The following NSD2 variants were observed in gnomAD, a reference collection of about 807,000 sequenced individuals.
NSD2 encodes histone-lysine N-methyltransferase NSD2.
NSD2 carries 12 observed loss-of-function variants against 139.0 expected under a neutral mutation model. The ratio of observed to expected loss-of-function variants is 0.09; its 90% confidence interval spans 0.06 to 0.14. The LOEUF (loss-of-function observed/expected upper bound fraction) is 0.14. NSD2 is among the 10% of genes least tolerant of loss of function. The pLI is 1.00. For missense variants in NSD2, 1,155 were observed against 1,745.0 expected (o/e 0.66, Z 6.02); for synonymous variants, 669 against 648.7 (o/e 1.03, Z -0.48).
chr4:1,943,410 G>C, intron 9 of NSD2: 6 of 1,041,386 alleles, frequency 5.8e-6, no homozygotes, highest in Non-Finnish European at 6.9e-6. Flanking sequence ...AGTAATAATG[G>C]TTATAATAAT....
chr4:1,941,084 C>G (rs1347181022), intron 9 of NSD2: 1 of 1,056,074 alleles, frequency 9.5e-7, no homozygotes, highest in East Asian at 5.3e-5. Flanking sequence ...ACTGAAACAT[C>G]TAGGAGCTTA....
At chr4:1,898,663 A>C (rs986016766) in intron 1 of NSD2, among the ~76,000 whole-genome samples, 3 of 149,140 alleles carry the variant, frequency 2.0e-5, no homozygotes, top group African/African-American at 7.5e-5. Flanking sequence ...CCGTCTAAAA[A>C]AAAAAAAACA....
intron 15 of NSD2, 151 bp from the exon 16 acceptor site, chr4:1,957,782 C>T: frequency 1.4e-6 from 1 of 702,310 alleles, no homozygotes; most frequent in Non-Finnish European, 2.4e-6. Context: ...AAATACCTGC[C>T]CACTGACAGT....
intron 1 of NSD2, among the ~76,000 whole-genome samples, chr4:1,882,667 AAACAAC>A (rs530707928): frequency 4.6e-5 from 7 of 152,100 alleles, no homozygotes; most frequent in East Asian, 1.9e-4. Flanking sequence ...TCTGTCTCAA[AAACAAC>A]AACAACAACA....
At chr4:1,929,525 C>T (rs1234456830) in intron 5 of NSD2, among the ~76,000 whole-genome samples, 1 of 152,162 alleles carries the variant, frequency 6.6e-6, no homozygotes, top group African/African-American at 2.4e-5. Context: ...TTCCAAAGGG[C>T]TGGTGAGCAG....
intron 9 of NSD2, among the ~76,000 whole-genome samples, chr4:1,949,680 C>T (rs371132899): frequency 2.3e-4 from 35 of 151,698 alleles, no homozygotes; most frequent in African/African-American, 7.5e-4. Flanking sequence ...AGGAGAATCA[C>T]TTGAACCCAG....
intron 9 of NSD2, chr4:1,946,769 C>T: frequency 9.5e-7 from 1 of 1,049,144 alleles, no homozygotes. Flanking sequence ...CATCTGATTC[C>T]TATACTGGAT....
At chr4:1,927,874 G>GT (rs1191533469) in intron 5 of NSD2, among the ~76,000 whole-genome samples, 2 of 151,524 alleles carry the variant, frequency 1.3e-5, no homozygotes, top group African/African-American at 4.8e-5. Context: ...GGTTTTCCAT[G>GT]TTTTTTTGGT....
At chr4:1,889,182 G>A (rs1174454800) in intron 1 of NSD2, among the ~76,000 whole-genome samples, 3 of 152,128 alleles carry the variant, frequency 2.0e-5, no homozygotes, top group Non-Finnish European at 2.9e-5. Context: ...ACAGGCGTGA[G>A]CCACTGCGCC....
At chr4:1,878,284 T>G (rs1012593156) in intron 1 of NSD2, among the ~76,000 whole-genome samples, 16 of 122,908 alleles carry the variant, frequency 1.3e-4, no homozygotes, top group Non-Finnish European at 2.4e-4. Flanking sequence ...TTTTTTTTTT[T>G]GTATTTTTAG....
intron 3 of NSD2, among the ~76,000 whole-genome samples, chr4:1,909,135 C>T (rs767465642): frequency 2.6e-5 from 4 of 151,850 alleles, no homozygotes; most frequent in African/African-American, 9.7e-5. Flanking sequence ...CAAATTTGAC[C>T]AGTGGGAGTT....
At chr4:1,934,015 TG>T (rs1722001517) in intron 6 of NSD2, among the ~76,000 whole-genome samples, 1 of 142,878 alleles carries the variant, frequency 7.0e-6, no homozygotes, top group Non-Finnish European at 1.5e-5. Context: ...AGTAGCAAGT[TG>T]TTTTTTTTTT....
At chr4:1,931,020 T>G (rs1721570934) in intron 6 of NSD2, among the ~76,000 whole-genome samples, 1 of 152,104 alleles carries the variant, frequency 6.6e-6, no homozygotes, top group Admixed American at 6.6e-5. Flanking sequence ...CCTACCCAAG[T>G]TGAGCAGCCA....
chr4:1,897,792 A>G (rs537165893), intron 1 of NSD2, among the ~76,000 whole-genome samples: 1 of 151,948 alleles, frequency 6.6e-6, no homozygotes, highest in South Asian at 2.1e-4. Flanking sequence ...AAGCCTGGCT[A>G]ATTTTTGTAT....
At chr4:1,917,616 T>C (rs780423212) in intron 4 of NSD2, among the ~76,000 whole-genome samples, 1 of 151,944 alleles carries the variant, frequency 6.6e-6, no homozygotes, top group Non-Finnish European at 1.5e-5. Flanking sequence ...TTTGTATTTT[T>C]AGTGGAGACA....
At chr4:1,927,726 A>G (rs1283411327) in intron 5 of NSD2, among the ~76,000 whole-genome samples, 2 of 134,580 alleles carry the variant, frequency 1.5e-5, no homozygotes, top group African/African-American at 3.2e-5. Flanking sequence ...TCAGAAAAAA[A>G]AAAAAAAAAA....
chr4:1,909,699 G>T (rs1193660509), intron 3 of NSD2, among the ~76,000 whole-genome samples: 1 of 151,766 alleles, frequency 6.6e-6, no homozygotes, highest in Non-Finnish European at 1.5e-5. Context: ...GGAGTACAGT[G>T]GTATGATCTC....
At chr4:1,877,664 A>C (rs1327033662) in intron 1 of NSD2, among the ~76,000 whole-genome samples, 1 of 151,622 alleles carries the variant, frequency 6.6e-6, no homozygotes, top group African/African-American at 2.4e-5. Context: ...TTCCATCGTC[A>C]CCCACTCCCA....
chr4:1,892,590 G>A (rs769919064), intron 1 of NSD2, among the ~76,000 whole-genome samples: 1 of 151,696 alleles, frequency 6.6e-6, no homozygotes, highest in Non-Finnish European at 1.5e-5. Context: ...TTTTGAGACG[G>A]AGTCTTGCCC....
Sources: allele counts gnomAD v4.1 joint callset (sites outside exome capture counted in the v4.1 genomes callset), GRCh38; gene constraint gnomAD v4.1.1; transcripts MANE v1.5; gene names NCBI Gene and HGNC (gene_info 2026-07-23, HGNC 2026-07-21).